Variants in BCAS3 observed in about 807,000 individuals in gnomAD.
The protein encoded by BCAS3 is BCAS4/BCAS3 fusion.
A neutral mutation model predicts 116.1 loss-of-function variants in BCAS3; 53 were observed. That is an observed-to-expected ratio of 0.46 (90% CI 0.37 to 0.57). The LOEUF (loss-of-function observed/expected upper bound fraction) is 0.57, where lower values mean the gene tolerates loss of function less well. Among genes scored for constraint, BCAS3 ranks in the 20% least tolerant of loss-of-function variants. The pLI is 0.00. For missense variants in BCAS3, 917 were observed against 1,165.4 expected (o/e 0.79, Z 3.10); for synonymous variants, 391 against 408.2 (o/e 0.96, Z 0.51).
Position 60,868,504 on chromosome 17 carries a change from T to A in BCAS3, c.477-72T>A, listed in dbSNP as rs1599297913. The stretch of plus-strand genomic sequence containing the variant: ...ATCAGAGGTTTGAATATTATGTTAA[T>A]GAGAAAGTATAGAGATTATTGGTCT... On this transcript the variant is annotated intron_variant, in intron 7 of 23. Transcript: ENST00000407086. 2.0e-5 allele frequency: 16 copies of A among 816,372 alleles called. No homozygotes were observed. In the East Asian group the frequency reaches 5.1e-4, roughly 26 times the overall value. The allele number at this position is 816,372 out of a possible 1,614,324, so 50.6% of individuals were successfully genotyped here.
intron 14 of BCAS3, among the ~76,000 whole-genome samples, chr17:60,957,880 C>G (rs1180210687): frequency 1.3e-5 from 2 of 152,178 alleles, no homozygotes; most frequent in East Asian, 3.8e-4. Context: ...ATGCCAAATA[C>G]AGAGTCAATA....
intron 13 of BCAS3, among the ~76,000 whole-genome samples, chr17:60,933,795 G>A (rs781055818): frequency 2.6e-5 from 4 of 152,148 alleles, no homozygotes; most frequent in Non-Finnish European, 5.9e-5. Context: ...ATCACTACCA[G>A]ACACCTATAT....
chr17:60,983,367 G>A (rs74947175), intron 14 of BCAS3, among the ~76,000 whole-genome samples: 5,333 of 151,894 alleles, frequency 0.035, 309 homozygotes, highest in African/African-American at 0.12. Context: ...CTGAAAAACC[G>A]TCCAGCTAGT....
At position 61,273,067 on chromosome 17, in the gene BCAS3, T is replaced by A. The variant is rs553646886; in HGVS notation, c.2426-95260T>A. Among the ~76,000 whole-genome samples, 9 of 152,268 alleles carry A rather than the reference T, an allele frequency of 5.9e-5. No homozygotes were observed. In the East Asian group the frequency reaches 7.7e-4, roughly 13 times the overall value. ...GAAATACCAGTATGCTAGCTAGAAT[T>A]CTCTTAGCTTTTGTCTAAAAATGTC... On this transcript the variant is annotated intron_variant, in intron 22 of 23. Coordinates refer to ENST00000407086, the MANE Select transcript of BCAS3 (RefSeq NM_017679.5).
rs1304717449 is a variant in BCAS3 at position 61,020,583 on chromosome 17, TAAG to T, written c.1637+4685_1637+4687del. 6.6e-6 allele frequency among the ~76,000 whole-genome samples: 1 copy of T among 152,204 alleles called. No homozygotes were observed. The highest frequency in any genetic ancestry group is 1.9e-4 in the East Asian group (1 of 5,196). ...TTATCATGTTCTTATCATATGTAAG[TAAG>T]AATAGTTCTCCTAATCTATTAAAAG... is the stretch of plus-strand genomic sequence containing the variant. On this transcript the variant is annotated intron_variant, in intron 16 of 23. Transcript: ENST00000407086. This position sits in a 1 kb window ranked among gnomAD's most constrained non-coding sequence, Gnocchi z 4.5.
intron 6 of BCAS3, among the ~76,000 whole-genome samples, chr17:60,750,097 G>T (rs1012575988): frequency 6.6e-6 from 1 of 152,058 alleles, no homozygotes; most frequent in Non-Finnish European, 1.5e-5. Context: ...AACTTGGGAG[G>T]CAGAGGTTGC....
chr17:60,708,677 C>T (rs1194652205), intron 4 of BCAS3, among the ~76,000 whole-genome samples: 2 of 151,946 alleles, frequency 1.3e-5, no homozygotes, highest in Non-Finnish European at 2.9e-5. Flanking sequence ...ATTACAGGTG[C>T]GGCACCACAC....
intron 22 of BCAS3, among the ~76,000 whole-genome samples, chr17:61,342,633 C>T (rs930990807): frequency 4.6e-5 from 7 of 152,144 alleles, no homozygotes; most frequent in African/African-American, 9.7e-5. Flanking sequence ...ATGCAGCAGG[C>T]GTATGCTGAC....
intron 7 of BCAS3, among the ~76,000 whole-genome samples, chr17:60,812,605 G>A (rs2048939512): frequency 6.6e-6 from 1 of 152,080 alleles, no homozygotes; most frequent in Non-Finnish European, 1.5e-5. Context: ...GTTTTTTGGA[G>A]GGCTCTGCTC....
chr17:60,938,123 T>C (rs1376926721), intron 13 of BCAS3, among the ~76,000 whole-genome samples: 2 of 152,182 alleles, frequency 1.3e-5, no homozygotes, highest in Non-Finnish European at 2.9e-5. Context: ...CTCAATCTCC[T>C]GACCTCGTGA....
intron 7 of BCAS3, among the ~76,000 whole-genome samples, chr17:60,849,815 G>A (rs2052908786): frequency 6.6e-6 from 1 of 152,092 alleles, no homozygotes; most frequent in African/African-American, 2.4e-5. Flanking sequence ...GGAGTACAGT[G>A]GCACAATCAT....
chr17:60,717,284 T>A (rs2038733144), intron 5 of BCAS3, among the ~76,000 whole-genome samples: 1 of 151,568 alleles, frequency 6.6e-6, no homozygotes, highest in Non-Finnish European at 1.5e-5. Context: ...GGCGTGGTTT[T>A]GGCTCACTGC....
Position 61,065,515 on chromosome 17 carries a change from C to T in BCAS3, c.2030-9405C>T, listed in dbSNP as rs1051961358. Among the ~76,000 whole-genome samples, 7 of 152,166 alleles carry T rather than the reference C, an allele frequency of 4.6e-5. No homozygotes were observed. Among genetic ancestry groups the T allele is most frequent in the African/African-American group, 1.7e-4 (7 of 41,434 alleles). On this transcript the variant is annotated intron_variant, in intron 19 of 23. Transcript: ENST00000407086. This position sits in a 1 kb window ranked among gnomAD's most constrained non-coding sequence, Gnocchi z 4.8. ...CCTTTGGGTGAACTTTGAGCCTGAG[C>T]TGTTTCATTCAAGGCAGCATGATGT...
Position 61,037,577 on chromosome 17 carries a change from G to A in BCAS3, c.1763-312G>A, listed in dbSNP as rs1384725990. 6.6e-6 allele frequency among the ~76,000 whole-genome samples: 1 copy of A among 152,098 alleles called. No individual in the cohort carries two copies. Among genetic ancestry groups the A allele is most frequent in the Admixed American group, 6.5e-5 (1 of 15,270 alleles). On this transcript the variant is annotated intron_variant, in intron 17 of 23. Coordinates refer to ENST00000407086, the MANE Select transcript of BCAS3 (RefSeq NM_017679.5). The surrounding 1 kb of genome is among the most constrained non-coding windows in gnomAD (Gnocchi z 4.7). ...ACCTGAGGTCAGGAGTTCGAGACCA[G>A]CCTGACCAACACGGCGAAACCCTAT...
chr17:61,375,569 CTTTT>C (rs909845597), intron 23 of BCAS3, among the ~76,000 whole-genome samples: 7 of 136,546 alleles, frequency 5.1e-5, no homozygotes, highest in Admixed American at 3.0e-4. Flanking sequence ...TGTTAATTAT[CTTTT>C]TTTTTTTTTT....
At chr17:61,193,018 T>G (rs543439247) in intron 22 of BCAS3, among the ~76,000 whole-genome samples, 1 of 152,132 alleles carries the variant, frequency 6.6e-6, no homozygotes, top group African/African-American at 2.4e-5. Flanking sequence ...TCCCAGCACT[T>G]TGGGAGGTTG....
chr17:61,166,634 G>T lies in BCAS3; in HGVS notation c.2425+82070G>T, dbSNP rs149956181. 5.8e-3 allele frequency among the ~76,000 whole-genome samples: 875 copies of T among 152,170 alleles called. 12 individuals carry two copies. Among genetic ancestry groups the T allele is most frequent in the African/African-American group, 0.019 (802 of 41,512 alleles). ...GCTGGTCTCGAACTCCTGACCTCAAGTGATCCGCCTGCCTTGCCCTCTCAA... is the reference window on the plus strand; with the variant it reads ...GCTGGTCTCGAACTCCTGACCTCAATTGATCCGCCTGCCTTGCCCTCTCAA... On this transcript the variant is annotated intron_variant, in intron 22 of 23. Coordinates refer to ENST00000407086, the MANE Select transcript of BCAS3 (RefSeq NM_017679.5).
chr17:60,922,416 C>T (rs539505855), intron 12 of BCAS3, among the ~76,000 whole-genome samples: 24 of 152,106 alleles, frequency 1.6e-4, no homozygotes, highest in African/African-American at 2.2e-4. Context: ...TGAGCCACCG[C>T]GCCTGGCCCA....
At chr17:60,757,799 C>G (rs962266996) in intron 6 of BCAS3, among the ~76,000 whole-genome samples, 9 of 152,000 alleles carry the variant, frequency 5.9e-5, no homozygotes, top group Non-Finnish European at 2.9e-5. Flanking sequence ...TTATAGTTGT[C>G]TGTGCTTTTG....
Sources: allele counts gnomAD v4.1 joint callset (sites outside exome capture counted in the v4.1 genomes callset), GRCh38; gene constraint gnomAD v4.1.1; non-coding constraint Gnocchi (gnomAD v3.1); transcripts MANE v1.5; gene names NCBI Gene and HGNC (gene_info 2026-07-23, HGNC 2026-07-21).